PTPRD: variants seen among roughly 807,000 people sequenced by gnomAD.
The protein encoded by PTPRD is protein tyrosine phosphatase receptor type D.
PTPRD carries 34 observed loss-of-function variants against 214.5 expected under a neutral mutation model. The observed-to-expected ratio is 0.16, with a 90% CI of 0.12 to 0.21. The LOEUF (loss-of-function observed/expected upper bound fraction) is 0.21. PTPRD is among the 10% of genes least tolerant of loss of function. The probability of loss-of-function intolerance (pLI) is 1.00; values close to 1 mark genes in which losing one functional copy is unlikely to be tolerated. For missense variants in PTPRD, 2,545 were observed against 2,398.7 expected (o/e 1.06, Z -1.27); for synonymous variants, 1,128 against 845.7 (o/e 1.33, Z -5.79).
rs376904186 is a variant in PTPRD, at chr9:9,957,823, G to T, written c.-471-19213C>A. On this transcript the variant is annotated intron_variant, in intron 4 of 45. Coordinates refer to ENST00000381196, the MANE Select transcript of PTPRD (RefSeq NM_002839.4). ...ACAGTAATCCAGACAGCCTGGTGTT[G>T]GTGAAACAAAAGATACACCGATCAA... Among the ~76,000 whole-genome samples, 191 of 152,046 alleles carry T rather than the reference G, an allele frequency of 1.3e-3. 2 individuals carry two copies. The highest frequency in any genetic ancestry group is 2.4e-3 in the Non-Finnish European group (162 of 67,986).
At position 8,733,919 on chromosome 9, in the gene PTPRD, G is replaced by C; in HGVS notation, c.-76C>G. 5 of 1,440,980 alleles carry C rather than the reference G, an allele frequency of 3.5e-6. No homozygotes were observed. Among genetic ancestry groups the C allele is most frequent in the Non-Finnish European group, 4.7e-6 (5 of 1,055,514 alleles). The allele number at this position is 1,440,980 out of a possible 1,614,324, so 89.3% of individuals were successfully genotyped here. ...GAGCCGCAGCGAGTCTGTCCGATCTGAAATTTCAGCTGGAACACTTTCAGA... is the reference window on the plus strand; with the variant it reads ...GAGCCGCAGCGAGTCTGTCCGATCTCAAATTTCAGCTGGAACACTTTCAGA... On this transcript the variant is annotated 5_prime_UTR_variant, in exon 12 of 46. Coordinates refer to ENST00000381196, the MANE Select transcript of PTPRD (RefSeq NM_002839.4).
At chr9:8,477,362 A>T (rs2096786199) in intron 30 of PTPRD, among the ~76,000 whole-genome samples, 1 of 152,162 alleles carries the variant, frequency 6.6e-6, no homozygotes, top group African/African-American at 2.4e-5. Context: ...TTAATTAGAT[A>T]AGTTAAATCT....
chr9:10,093,966 A>G (rs976741512), intron 3 of PTPRD, among the ~76,000 whole-genome samples: 1 of 151,364 alleles, frequency 6.6e-6, no homozygotes, highest in Non-Finnish European at 1.5e-5. Flanking sequence ...TGAGTGGGCT[A>G]AAAAATCCCT....
chr9:9,479,598 G>T (rs951051193), intron 8 of PTPRD, among the ~76,000 whole-genome samples: 65 of 151,962 alleles, frequency 4.3e-4, no homozygotes, highest in African/African-American at 1.5e-3. Context: ...ATTCAAACTT[G>T]CACCAACACT....
intron 10 of PTPRD, among the ~76,000 whole-genome samples, chr9:9,035,776 ACTTT>A (rs2099619804): frequency 6.6e-6 from 1 of 151,528 alleles, no homozygotes; most frequent in African/African-American, 2.4e-5. Flanking sequence ...CTTTCTGTGC[ACTTT>A]CTTAGTGGAG....
intron 11 of PTPRD, among the ~76,000 whole-genome samples, chr9:8,799,910 G>A (rs1284003694): frequency 6.6e-6 from 1 of 151,630 alleles, no homozygotes; most frequent in African/African-American, 2.4e-5. Flanking sequence ...GATTTTCCCA[G>A]ACACACAAAA....
intron 11 of PTPRD, among the ~76,000 whole-genome samples, chr9:9,003,936 G>A (rs1028594140): frequency 2.6e-5 from 4 of 152,028 alleles, no homozygotes; most frequent in Admixed American, 6.6e-5. Context: ...CTACTTCTTA[G>A]TCTTATGGCC....
intron 3 of PTPRD, among the ~76,000 whole-genome samples, chr9:10,285,641 C>T (rs1459171252): frequency 3.8e-5 from 5 of 130,560 alleles, no homozygotes; most frequent in Non-Finnish European, 6.1e-5. Context: ...AACAGAGTCT[C>T]GCTCTGTCGC....
chr9:8,760,317 T>C (rs958744597), intron 11 of PTPRD, among the ~76,000 whole-genome samples: 4 of 152,206 alleles, frequency 2.6e-5, no homozygotes, highest in African/African-American at 7.2e-5. Context: ...TTATAGTATC[T>C]AAACAGATAA....
intron 7 of PTPRD, among the ~76,000 whole-genome samples, chr9:9,722,686 A>C (rs951273379): frequency 3.9e-5 from 6 of 152,076 alleles, no homozygotes; most frequent in Non-Finnish European, 7.4e-5. Flanking sequence ...TCCCACCAGC[A>C]ATTGATAACA....
At chr9:9,687,060 G>A (rs2097178528) in intron 7 of PTPRD, among the ~76,000 whole-genome samples, 1 of 151,652 alleles carries the variant, frequency 6.6e-6, no homozygotes, top group Non-Finnish European at 1.5e-5. Flanking sequence ...TAACAGTGTA[G>A]TGTTCAAAAA....
At chr9:9,311,658 T>C (rs1259620780) in intron 9 of PTPRD, among the ~76,000 whole-genome samples, 2 of 152,168 alleles carry the variant, frequency 1.3e-5, no homozygotes, top group African/African-American at 2.4e-5. Flanking sequence ...AAAAATGAGA[T>C]TAAAAACTCC....
chr9:9,020,222 C>T (rs1440691426), intron 10 of PTPRD, among the ~76,000 whole-genome samples: 4 of 152,082 alleles, frequency 2.6e-5, no homozygotes, highest in African/African-American at 9.6e-5. Context: ...CTTAATAAAG[C>T]TCTAAAAAAG....
At chr9:10,514,347 T>G (rs555194924) in intron 2 of PTPRD, among the ~76,000 whole-genome samples, 31 of 151,652 alleles carry the variant, frequency 2.0e-4, no homozygotes, top group Non-Finnish European at 4.1e-4. Flanking sequence ...ATTTAGAACT[T>G]TGATTGATAA....
chr9:8,408,352 G>C (rs984328546), intron 35 of PTPRD, among the ~76,000 whole-genome samples: 2 of 152,036 alleles, frequency 1.3e-5, no homozygotes, highest in Non-Finnish European at 2.9e-5. Flanking sequence ...TTAGTGTTTG[G>C]TTTTCCTGAG....
chr9:8,987,325 C>T (rs1244980955), intron 11 of PTPRD, among the ~76,000 whole-genome samples: 1 of 151,984 alleles, frequency 6.6e-6, no homozygotes, highest in Non-Finnish European at 1.5e-5. Context: ...TTCAGGATTT[C>T]GGCTTTCTTA....
At chr9:10,268,984 G>C (rs373510224) in intron 3 of PTPRD, among the ~76,000 whole-genome samples, 4 of 152,250 alleles carry the variant, frequency 2.6e-5, no homozygotes, top group African/African-American at 9.6e-5. Context: ...GCGCCCTCCA[G>C]TGTCACAATC....
At chr9:8,725,333 G>A (rs1218883005) in intron 12 of PTPRD, among the ~76,000 whole-genome samples, 3 of 152,050 alleles carry the variant, frequency 2.0e-5, no homozygotes, top group African/African-American at 4.8e-5. Context: ...AGCTTTTTAG[G>A]GGCAGGGATC....
At chr9:9,831,393 T>C (rs1201380827) in intron 5 of PTPRD, among the ~76,000 whole-genome samples, 1 of 151,958 alleles carries the variant, frequency 6.6e-6, no homozygotes, top group Non-Finnish European at 1.5e-5. Context: ...ATTCACAAGG[T>C]TACTACATTT....
Sources: gnomAD v4.1 joint callset for allele counts (sites outside exome capture counted in the v4.1 genomes callset) on GRCh38, gnomAD v4.1.1 for gene constraint, MANE v1.5 for transcripts, NCBI Gene and HGNC (gene_info 2026-07-23, HGNC 2026-07-21) for gene names.